Variants in OPCML observed in about 807,000 individuals in gnomAD.
OPCML encodes the protein opioid-binding protein/cell adhesion molecule.
OPCML carries 13 observed loss-of-function variants against 37.8 expected under a neutral mutation model. The ratio of observed to expected loss-of-function variants is 0.34; its 90% CI spans 0.22 to 0.55. OPCML has a LOEUF of 0.55. Ranked by LOEUF, OPCML falls within the 20% of genes least tolerant of loss-of-function variation. OPCML has a pLI of 0.91. For synonymous variants in OPCML, 176 were observed against 168.8 expected (o/e 1.04, Z -0.33); for missense variants, 341 against 435.6 (o/e 0.78, Z 1.93).
At chr11:133,252,434 T>G (rs1313434818) in intron 1 of OPCML, among the ~76,000 whole-genome samples, 1 of 152,212 alleles carries the variant, frequency 6.6e-6, no homozygotes, top group Middle Eastern at 3.2e-3. Flanking sequence ...AAATTTCTGT[T>G]GCTTGGCGTT....
intron 1 of OPCML, among the ~76,000 whole-genome samples, chr11:133,384,502 G>A (rs1262707787): frequency 6.6e-6 from 1 of 152,178 alleles, no homozygotes; most frequent in East Asian, 1.9e-4. Flanking sequence ...AGATGAGAAA[G>A]TCAGCTCCAT....
intron 1 of OPCML, among the ~76,000 whole-genome samples, chr11:133,080,478 T>C (rs886661821): frequency 6.9e-6 from 1 of 145,230 alleles, no homozygotes; most frequent in Non-Finnish European, 1.5e-5. Flanking sequence ...TCAAATGTTT[T>C]TTTTTTTTTT....
rs114986770 is a variant in OPCML, at chr11:133,258,405, G to A, written c.61+273859C>T. ...TCAACTCTTTGAGAATGGGTGGCAGGGCATAGGTGAAGGAAGAAGGGAAGG... is the reference window on the plus strand; with the variant it reads ...TCAACTCTTTGAGAATGGGTGGCAGAGCATAGGTGAAGGAAGAAGGGAAGG... On this transcript the variant is annotated intron_variant, in intron 1 of 7. Transcript: ENST00000524381. 4.4e-3 allele frequency among the ~76,000 whole-genome samples: 665 copies of A among 152,260 alleles called. 6 individuals carry two copies. The highest frequency in any genetic ancestry group is 0.014 in the African/African-American group (600 of 41,562).
intron 1 of OPCML, among the ~76,000 whole-genome samples, chr11:132,958,481 C>T (rs1466498176): frequency 6.6e-6 from 1 of 152,210 alleles, no homozygotes; most frequent in Non-Finnish European, 1.5e-5. Context: ...AAGGTGGCTA[C>T]ACTCAACAGC....
At chr11:133,449,395 T>C (rs1946534209) in intron 1 of OPCML, among the ~76,000 whole-genome samples, 1 of 152,242 alleles carries the variant, frequency 6.6e-6, no homozygotes, top group South Asian at 2.1e-4. Context: ...CGGATTTATA[T>C]GAAGAGGTAA....
At chr11:132,789,255 T>C (rs1196677672) in intron 2 of OPCML, among the ~76,000 whole-genome samples, 3 of 152,216 alleles carry the variant, frequency 2.0e-5, no homozygotes, top group Non-Finnish European at 2.9e-5. Flanking sequence ...ATGTCTGGCT[T>C]CAGGAGGGCA....
intron 1 of OPCML, among the ~76,000 whole-genome samples, chr11:133,287,278 T>TC (rs59492547): frequency 0.03 from 4,361 of 143,492 alleles, 99 homozygotes; most frequent in Non-Finnish European, 0.044. Flanking sequence ...TTTCTTTCTT[T>TC]TTTTTTTTTT....
intron 3 of OPCML, among the ~76,000 whole-genome samples, chr11:132,544,923 C>A (rs77389414): frequency 6.6e-6 from 1 of 152,076 alleles, no homozygotes; most frequent in Non-Finnish European, 1.5e-5. Context: ...AGGAAAGGAC[C>A]GCCCCATTCC....
rs778132916 is a variant in OPCML at position 133,174,008 on chromosome 11, G to A, written c.62-230998C>T. 6.6e-6 allele frequency among the ~76,000 whole-genome samples: 1 copy of A among 152,222 alleles called. No homozygotes were observed. The highest frequency in any genetic ancestry group is 1.5e-5 in the Non-Finnish European group (1 of 68,054). On this transcript the variant is annotated intron_variant, in intron 1 of 7. Coordinates refer to ENST00000524381, the MANE Select transcript of OPCML (RefSeq NM_001012393.5). The surrounding 1 kb of genome is among the most constrained non-coding windows in gnomAD (Gnocchi z 4.6). ...GCTGACATAAATCAGGGGCAGCAAC[G>A]GATGAGCATGGAGAAACGGCCTGGC...
At chr11:133,204,882 A>ATATGTGTGTG (rs1385122603) in intron 1 of OPCML, among the ~76,000 whole-genome samples, 492 of 30,200 alleles carry the variant, frequency 0.016, 8 homozygotes, top group African/African-American at 0.057. Context: ...ATATATATAT[A>ATATGTGTGTG]TATATATATA....
intron 3 of OPCML, among the ~76,000 whole-genome samples, chr11:132,599,178 A>G (rs11223141): frequency 0.73 from 110,732 of 152,092 alleles, 40,714 homozygotes; most frequent in East Asian, 0.87. Context: ...ACTCGGGAAC[A>G]AGTATTCTGT....
chr11:132,531,695 T>C (rs150627751), intron 3 of OPCML, among the ~76,000 whole-genome samples: 1 of 151,902 alleles, frequency 6.6e-6, no homozygotes, highest in East Asian at 1.9e-4. Flanking sequence ...AAATACATGC[T>C]GGGAAAAAAA....
intron 3 of OPCML, among the ~76,000 whole-genome samples, chr11:132,535,300 T>C (rs1351992480): frequency 6.6e-6 from 1 of 151,962 alleles, no homozygotes; most frequent in Non-Finnish European, 1.5e-5. Context: ...AAATCTCACA[T>C]GTGTATGAAG....
chr11:132,579,402 TG>T (rs2096457752), intron 3 of OPCML, among the ~76,000 whole-genome samples: 2 of 151,532 alleles, frequency 1.3e-5, no homozygotes, highest in African/African-American at 4.9e-5. Flanking sequence ...TGTGTGTGTG[TG>T]TGTGTGTGTG....
At chr11:132,856,813 T>A (rs1466488409) in intron 2 of OPCML, among the ~76,000 whole-genome samples, 1 of 152,092 alleles carries the variant, frequency 6.6e-6, no homozygotes, top group Non-Finnish European at 1.5e-5. Context: ...GAGACACAAA[T>A]CCGGAAGCAT....
At chr11:133,019,231 G>A (rs999051456) in intron 1 of OPCML, among the ~76,000 whole-genome samples, 3 of 152,192 alleles carry the variant, frequency 2.0e-5, no homozygotes, top group Non-Finnish European at 4.4e-5. Flanking sequence ...ACATAAAGCT[G>A]CAGACCAGAC....
intron 1 of OPCML, among the ~76,000 whole-genome samples, chr11:133,227,425 TC>T (rs1940085917): frequency 6.6e-6 from 1 of 152,156 alleles, no homozygotes; most frequent in African/African-American, 2.4e-5. Context: ...TGCTGCCATC[TC>T]CCAGTTTGAA....
At chr11:132,486,175 A>G (rs2096199172) in intron 4 of OPCML, among the ~76,000 whole-genome samples, 1 of 152,110 alleles carries the variant, frequency 6.6e-6, no homozygotes, top group East Asian at 1.9e-4. Flanking sequence ...GACTCTCCTC[A>G]TGTCTCATAC....
intron 1 of OPCML, among the ~76,000 whole-genome samples, chr11:133,410,943 A>AGGCAT (rs1205297400): frequency 1.3e-5 from 2 of 152,148 alleles, no homozygotes; most frequent in East Asian, 3.9e-4. Flanking sequence ...CTGAAAAATC[A>AGGCAT]GGCATGGTGC....
Sources: gnomAD v4.1 joint callset for allele counts (sites outside exome capture counted in the v4.1 genomes callset) on GRCh38, gnomAD v4.1.1 for gene constraint, Gnocchi (gnomAD v3.1) non-coding constraint, MANE v1.5 for transcripts, NCBI Gene and HGNC (gene_info 2026-07-23, HGNC 2026-07-21) for gene names.